Variants in NKAIN3 observed in about 807,000 individuals in gnomAD.
NKAIN3 encodes the protein sodium/potassium-transporting ATPase subunit beta-1-interacting protein 3.
A neutral mutation model predicts 30.2 loss-of-function variants in NKAIN3; 25 were observed. The observed-to-expected ratio is 0.83, with a 90% CI of 0.60 to 1.16. The LOEUF (loss-of-function observed/expected upper bound fraction) is 1.16, where lower values mean the gene tolerates loss of function less well. Among genes scored for constraint, NKAIN3 ranks in the 50% most tolerant of loss-of-function variants. The pLI is 0.00. For synonymous variants in NKAIN3, 91 were observed against 89.6 expected (o/e 1.02, Z -0.09); for missense variants, 225 against 254.1 (o/e 0.89, Z 0.78).
intron 3 of NKAIN3, among the ~76,000 whole-genome samples, chr8:62,634,016 T>C (rs559932774): frequency 7.9e-5 from 12 of 152,290 alleles, no homozygotes; most frequent in Admixed American, 5.2e-4. Flanking sequence ...TGTAGGCATG[T>C]ATGCTCAATT....
chr8:62,344,280 G>C (rs1160143691), intron 1 of NKAIN3, among the ~76,000 whole-genome samples: 1 of 151,918 alleles, frequency 6.6e-6, no homozygotes, highest in Non-Finnish European at 1.5e-5. Flanking sequence ...TGATGTAAAT[G>C]GGAAATATAA....
chr8:62,766,909 C>T (rs190722647), intron 4 of NKAIN3, among the ~76,000 whole-genome samples: 1 of 151,700 alleles, frequency 6.6e-6, no homozygotes, highest in Admixed American at 6.6e-5. Flanking sequence ...GCCTCAGCCC[C>T]ACCCCCCGAC....
At chr8:62,355,059 T>C (rs1816303375) in intron 1 of NKAIN3, among the ~76,000 whole-genome samples, 1 of 152,164 alleles carries the variant, frequency 6.6e-6, no homozygotes, top group Non-Finnish European at 1.5e-5. Flanking sequence ...TCAAAAACTT[T>C]ATCCAGAACA....
chr8:62,626,100 A>G (rs887542267), intron 3 of NKAIN3, among the ~76,000 whole-genome samples: 3 of 152,062 alleles, frequency 2.0e-5, no homozygotes, highest in African/African-American at 7.2e-5. Flanking sequence ...TTTCTTGTTC[A>G]TTAATTTCTA....
chr8:62,462,314 GC>G (rs1258915052), intron 1 of NKAIN3, among the ~76,000 whole-genome samples: 1 of 152,128 alleles, frequency 6.6e-6, no homozygotes, highest in African/African-American at 2.4e-5. Context: ...AAGATCACTA[GC>G]AATTTTTTTG....
At chr8:62,910,745 C>T (rs1407485851) in intron 4 of NKAIN3, among the ~76,000 whole-genome samples, 2 of 113,684 alleles carry the variant, frequency 1.8e-5, no homozygotes, top group African/African-American at 6.2e-5. Flanking sequence ...ATTCTTCCAT[C>T]GGGACAGGAT....
Position 62,975,268 on chromosome 8 carries a change from C to G in NKAIN3, c.*9861C>G, listed in dbSNP as rs962860925. 6.6e-6 allele frequency among the ~76,000 whole-genome samples: 1 copy of G among 151,950 alleles called. No homozygotes were observed. Among genetic ancestry groups the G allele is most frequent in the Admixed American group, 6.6e-5 (1 of 15,256 alleles). On this transcript the variant is annotated 3_prime_UTR_variant, in exon 7 of 7. Transcript: ENST00000623646. The stretch of plus-strand genomic sequence containing the variant: ...TCCTCTTTGTAACTCTGGTAGAGTT[C>G]AGCTATGAGTCCATCTGGTCCTGGG...
chr8:62,725,728 T>C (rs1049550431), intron 3 of NKAIN3, among the ~76,000 whole-genome samples: 3 of 152,048 alleles, frequency 2.0e-5, no homozygotes, highest in Non-Finnish European at 4.4e-5. Flanking sequence ...CCTATACCAC[T>C]CTGTTTTGGT....
At chr8:62,519,651 C>T (rs904135219) in intron 1 of NKAIN3, among the ~76,000 whole-genome samples, 4 of 152,162 alleles carry the variant, frequency 2.6e-5, no homozygotes, top group African/African-American at 9.6e-5. Flanking sequence ...TGCATGATTG[C>T]TTCTCCTGGA....
At chr8:62,574,823 C>T (rs1810059137) in intron 1 of NKAIN3, among the ~76,000 whole-genome samples, 2 of 151,892 alleles carry the variant, frequency 1.3e-5, no homozygotes, top group Admixed American at 1.3e-4. Flanking sequence ...TTTTATATAC[C>T]CGTTGGCCAT....
chr8:62,407,401 GTTTT>G (rs10660478), intron 1 of NKAIN3, among the ~76,000 whole-genome samples: 1 of 118,670 alleles, frequency 8.4e-6, no homozygotes. Context: ...CTAGATAGTT[GTTTT>G]TTTTTTTTTT....
intron 1 of NKAIN3, among the ~76,000 whole-genome samples, chr8:62,463,963 G>C (rs1806075433): frequency 6.6e-6 from 1 of 151,840 alleles, no homozygotes; most frequent in Non-Finnish European, 1.5e-5. Flanking sequence ...CTGCAGATGA[G>C]GGGGAATACT....
chr8:62,748,056 G>A (rs1816141640), intron 4 of NKAIN3, among the ~76,000 whole-genome samples: 1 of 152,146 alleles, frequency 6.6e-6, no homozygotes, highest in South Asian at 2.1e-4. Context: ...CTACTACTAT[G>A]TAACAAACCA....
intron 1 of NKAIN3, among the ~76,000 whole-genome samples, chr8:62,415,106 ATAT>A (rs929991270): frequency 1.5e-5 from 2 of 132,546 alleles, no homozygotes; most frequent in Admixed American, 8.8e-5. Context: ...CATATAATAT[ATAT>A]TATGTATAAT....
chr8:62,849,869 C>A (rs1819828822), intron 4 of NKAIN3, among the ~76,000 whole-genome samples: 1 of 151,912 alleles, frequency 6.6e-6, no homozygotes, highest in Admixed American at 6.6e-5. Context: ...GGACATTTGG[C>A]TTGGTTCCAA....
intron 3 of NKAIN3, among the ~76,000 whole-genome samples, chr8:62,592,599 C>T (rs1810687630): frequency 6.6e-6 from 1 of 151,922 alleles, no homozygotes; most frequent in South Asian, 2.1e-4. Context: ...TAAAACACAA[C>T]CATGTCAATG....
intron 1 of NKAIN3, among the ~76,000 whole-genome samples, chr8:62,576,612 C>G (rs1810117395): frequency 6.6e-6 from 1 of 152,124 alleles, no homozygotes; most frequent in Non-Finnish European, 1.5e-5. Context: ...AACATAGGTT[C>G]TCGAAACATG....
rs181892791 is a variant in NKAIN3, at chr8:62,632,748, C to G, written c.273+42954C>G. Among the ~76,000 whole-genome samples, 851 of 152,098 alleles carry G rather than the reference C, an allele frequency of 5.6e-3. 8 individuals are homozygous for G. Among genetic ancestry groups the G allele is most frequent in the African/African-American group, 0.02 (818 of 41,480 alleles). ...AAACTCCTGACCTCAGGTGATCCAC[C>G]CCCCTCGGCCTCCCAAAGTGCTAGG... On this transcript the variant is annotated intron_variant, in intron 3 of 6. Transcript: ENST00000623646.
chr8:62,898,705 G>A (rs1331399233), intron 4 of NKAIN3, among the ~76,000 whole-genome samples: 6 of 152,062 alleles, frequency 3.9e-5, no homozygotes, highest in Non-Finnish European at 7.4e-5. Flanking sequence ...GCAAGCACAG[G>A]CAAACAAAGC....
Sources: allele counts gnomAD v4.1 joint callset (sites outside exome capture counted in the v4.1 genomes callset), GRCh38; gene constraint gnomAD v4.1.1; transcripts MANE v1.5; gene names NCBI Gene and HGNC (gene_info 2026-07-23, HGNC 2026-07-21).